GPATCH8: variants seen among roughly 807,000 people sequenced by gnomAD.
The protein encoded by GPATCH8 is G-patch domain containing 8, also known as G patch domain-containing protein 8.
In GPATCH8, 18 loss-of-function variants were observed where a neutral mutation model predicts 118.3. That is an observed-to-expected ratio of 0.15 (90% CI 0.11 to 0.23). The LOEUF (loss-of-function observed/expected upper bound fraction) is 0.23. Among genes scored for constraint, GPATCH8 ranks in the 10% least tolerant of loss-of-function variants. The pLI is 1.00. For synonymous variants in GPATCH8, 659 were observed against 684.7 expected, an observed-to-expected ratio of 0.96 and a Z score of 0.59; for missense variants, 1,631 against 1,873.8, an observed-to-expected ratio of 0.87 and a Z score of 2.39.
intron 2 of GPATCH8, among the ~76,000 whole-genome samples, chr17:44,469,740 C>G (rs1245008210): frequency 6.6e-6 from 1 of 152,156 alleles, no homozygotes; most frequent in Non-Finnish European, 1.5e-5. Flanking sequence ...AACAAAAAAA[C>G]TCTATAGCTC....
At chr17:44,468,069 A>G (rs1966943326) in intron 2 of GPATCH8, among the ~76,000 whole-genome samples, 2 of 149,342 alleles carry the variant, frequency 1.3e-5, no homozygotes, top group African/African-American at 5.0e-5. Flanking sequence ...CGGCAATCTC[A>G]GCTCACTACA....
chr17:44,493,615 C>G (rs960986654), intron 1 of GPATCH8, among the ~76,000 whole-genome samples: 1 of 152,106 alleles, frequency 6.6e-6, no homozygotes, highest in Non-Finnish European at 1.5e-5. Context: ...CAGCCAGGCT[C>G]GATGGCGTGC....
chr17:44,496,687 G>T (rs965550017), intron 1 of GPATCH8, among the ~76,000 whole-genome samples: 7 of 152,170 alleles, frequency 4.6e-5, no homozygotes, highest in Admixed American at 1.3e-4. Flanking sequence ...CTAAATAACA[G>T]TTACGTGCTA....
chr17:44,483,171 AAAAAAATATATATATATATATAT>A lies in GPATCH8; in HGVS notation c.46-8291_46-8269del, dbSNP rs1968433422. Among the ~76,000 whole-genome samples the A allele has an allele frequency of 7.6e-5, 2 of 26,386 alleles. 1 individual carries two copies. Among genetic ancestry groups the A allele is most frequent in the Non-Finnish European group, 1.7e-4 (2 of 12,110 alleles). 17.3% of individuals were successfully genotyped at this position (26,386 alleles called of 152,430 possible). A position where few individuals can be genotyped will look rare whatever the true frequency, so the allele number is the denominator to read the frequency against. On this transcript the variant is annotated intron_variant, in intron 1 of 7. Coordinates refer to ENST00000591680, the MANE Select transcript of GPATCH8 (RefSeq NM_001002909.4). ...CTCCGTCTCAAAAAAAAAAAAAAAAAAAAAAATATATATATATATATATATATATATATATATATATATATACA... is the reference window on the plus strand; with the variant it reads ...CTCCGTCTCAAAAAAAAAAAAAAAAAATATATATATATATATATATATACA...
intron 6 of GPATCH8, among the ~76,000 whole-genome samples, chr17:44,409,620 T>C (rs577305359): frequency 1.3e-5 from 2 of 152,330 alleles, no homozygotes; most frequent in Non-Finnish European, 1.5e-5. Flanking sequence ...TCAGAAAGCT[T>C]GGGTTCAAAT....
At chr17:44,470,189 A>G (rs538420198) in intron 2 of GPATCH8, among the ~76,000 whole-genome samples, 1 of 152,278 alleles carries the variant, frequency 6.6e-6, no homozygotes, top group Non-Finnish European at 1.5e-5. Flanking sequence ...TATATAGCTT[A>G]AAGTCATTCT....
chr17:44,476,630 A>G (rs1967806595), intron 1 of GPATCH8, among the ~76,000 whole-genome samples: 1 of 152,220 alleles, frequency 6.6e-6, no homozygotes, highest in South Asian at 2.1e-4. Flanking sequence ...ATTTTAAACT[A>G]AATCTGCTAA....
intron 3 of GPATCH8, among the ~76,000 whole-genome samples, chr17:44,439,937 C>T (rs879731335): frequency 3.3e-5 from 5 of 152,058 alleles, no homozygotes; most frequent in Non-Finnish European, 5.9e-5. Flanking sequence ...GCATGCACCA[C>T]CGTGCCCGGC....
At chr17:44,496,265 C>T (rs1233123003) in intron 1 of GPATCH8, among the ~76,000 whole-genome samples, 1 of 152,154 alleles carries the variant, frequency 6.6e-6, no homozygotes, top group Non-Finnish European at 1.5e-5. Flanking sequence ...AAGTAAGCTC[C>T]TCTTTTCTTA....
chr17:44,427,966 T>A (rs2143941836), intron 5 of GPATCH8, among the ~76,000 whole-genome samples: 1 of 152,288 alleles, frequency 6.6e-6, no homozygotes, highest in South Asian at 2.1e-4. Flanking sequence ...TATTTCCCAC[T>A]TTGAGACCAC....
intron 3 of GPATCH8, chr17:44,436,748 G>T (rs62081226): frequency 0.59 from 359,397 of 605,648 alleles, 107,655 homozygotes; most frequent in Middle Eastern, 0.67. Flanking sequence ...CTTGGCTGAC[G>T]TCCAGTTGGG....
At chr17:44,437,516 A>G (rs1174050670) in intron 3 of GPATCH8, among the ~76,000 whole-genome samples, 1 of 152,138 alleles carries the variant, frequency 6.6e-6, no homozygotes, top group Non-Finnish European at 1.5e-5. Context: ...CATTTCACTC[A>G]GGCTGGTGTA....
In GPATCH8 at chr17:44,461,053, T is replaced by C. The variant is rs138123767; in HGVS notation, c.193+3419A>G. On this transcript the variant is annotated intron_variant, in intron 3 of 7. Transcript: ENST00000591680. ...CATTCTTTTTGGAGAATAAAGATAC[T>C]AATCATTTAAAACAGATGGACTTTG... is the stretch of plus-strand genomic sequence containing the variant. Among the ~76,000 whole-genome samples the C allele has an allele frequency of 7.8e-3, 1,193 of 152,318 alleles. 13 individuals carry two copies. The highest frequency in any genetic ancestry group is 8.7e-3 in the Non-Finnish European group (590 of 68,026).
intron 3 of GPATCH8, among the ~76,000 whole-genome samples, chr17:44,443,878 C>T (rs2050783894): frequency 2.0e-5 from 3 of 152,058 alleles, no homozygotes; most frequent in South Asian, 2.1e-4. Flanking sequence ...CCATGTTGCC[C>T]GCCCAGTTTG....
chr17:44,412,850 C>T (rs1164891101), intron 6 of GPATCH8, among the ~76,000 whole-genome samples: 1 of 152,038 alleles, frequency 6.6e-6, no homozygotes, highest in Non-Finnish European at 1.5e-5. Context: ...TTTTTTTCCC[C>T]CTCCCTCTAC....
intron 3 of GPATCH8, among the ~76,000 whole-genome samples, chr17:44,446,304 C>T (rs1244859503): frequency 6.6e-6 from 1 of 152,034 alleles, no homozygotes; most frequent in Non-Finnish European, 1.5e-5. Context: ...CAGTGGCTCA[C>T]GCCTGTAATC....
chr17:44,466,269 A>G (rs1431781191), intron 2 of GPATCH8, among the ~76,000 whole-genome samples: 3 of 152,150 alleles, frequency 2.0e-5, no homozygotes, highest in Non-Finnish European at 4.4e-5. Flanking sequence ...CAGCCTCTCA[A>G]AGTACTGGGA....
chr17:44,398,537 C>T lies in GPATCH8; in HGVS notation c.3540G>A (p.Gly1180=), dbSNP rs750488630. 5.0e-6 allele frequency: 8 copies of T among 1,591,778 alleles called. No individual in the cohort carries two copies. The highest frequency in any genetic ancestry group is 3.5e-5 in the Admixed American group (2 of 56,450). The part of the protein sequence containing the change: ...EEQEQSETEE[G]PPGSSDALFG... The stretch of plus-strand genomic sequence containing the variant: ...ATAGGGCATCACTACTCCCTGGGGG[C>T]CCCTCTTCTGTCTCTGACTGTTCTT... The change falls in exon 8 of 8, where the codon GGG becomes GGA. Residue 1180 remains glycine, a synonymous_variant. Transcript: ENST00000591680.
At chr17:44,414,074 T>C (rs1003540035) in intron 6 of GPATCH8, among the ~76,000 whole-genome samples, 8 of 146,962 alleles carry the variant, frequency 5.4e-5, no homozygotes, top group Non-Finnish European at 1.0e-4. Flanking sequence ...TATATATATA[T>C]ATATATGTGT....
Sources: allele counts gnomAD v4.1 joint callset (sites outside exome capture counted in the v4.1 genomes callset), GRCh38; gene constraint gnomAD v4.1.1; transcripts MANE v1.5; gene names NCBI Gene and HGNC (gene_info 2026-07-23, HGNC 2026-07-21).